CASP8: variants seen among roughly 807,000 people sequenced by gnomAD.
CASP8 encodes caspase-8.
In CASP8, 24 loss-of-function variants were observed where a neutral mutation model predicts 46.3. The observed-to-expected ratio is 0.52, with a 90% CI of 0.38 to 0.73. The LOEUF (loss-of-function observed/expected upper bound fraction) is 0.73. Among genes scored for constraint, CASP8 ranks in the 30% least tolerant of loss-of-function variants. The pLI, the probability that CASP8 is intolerant of heterozygous loss-of-function variation, is 0.00. For synonymous variants in CASP8, 188 were observed against 200.4 expected (o/e 0.94, Z 0.52); for missense variants, 460 against 559.0 (o/e 0.82, Z 1.79).
chr2:201,245,212 G>T lies in CASP8; in HGVS notation c.-27+11100G>T, dbSNP rs547996146. On this transcript the variant is annotated intron_variant, in intron 2 of 6. Transcript: ENST00000264274. ...AAGATCTGAAATTGTGTCACCGATT[G>T]ATTGACCTGACCTCACAAGGAGGTT... 2.6e-4 allele frequency among the ~76,000 whole-genome samples: 40 copies of T among 152,084 alleles called. 1 individual carries two copies. The highest frequency in any genetic ancestry group is 1.5e-3 in the South Asian group (7 of 4,824).
chr2:201,250,532 C>A (rs1210293871), intron 2 of CASP8, among the ~76,000 whole-genome samples: 4 of 152,106 alleles, frequency 2.6e-5, no homozygotes, highest in Admixed American at 2.6e-4. Context: ...AGCAAGAGAG[C>A]GGGGAGGTGC....
At chr2:201,234,450 T>G (rs537785005) in intron 2 of CASP8, among the ~76,000 whole-genome samples, 1 of 152,142 alleles carries the variant, frequency 6.6e-6, no homozygotes, top group East Asian at 1.9e-4. Context: ...AAAGTTATTC[T>G]TTTTTATTTT....
At chr2:201,277,637 G>A in intron 7 of CASP8, 1 of 383,266 alleles carries the variant, frequency 2.6e-6, no homozygotes, top group South Asian at 1.8e-5. Flanking sequence ...GCAAATGGAG[G>A]TAAGTTTAGA....
In CASP8 at chr2:201,269,372, T is replaced by C. The variant is rs934923996; in HGVS notation, c.306-2144T>C. 1.4e-5 allele frequency: 9 copies of C among 650,992 alleles called. No individual in the cohort carries two copies. The African/African-American group carries it at 1.6e-4, about 12-fold the overall frequency. The allele number at this position is 650,992 out of a possible 1,614,324, so 40.3% of individuals were successfully genotyped here. On this transcript the variant is annotated intron_variant, in intron 2 of 8. Coordinates refer to ENST00000673742, the MANE Select transcript of CASP8 (RefSeq NM_001372051.1). ...CTATTCAACCAGTACACTAGATAGCTTTGGTTTACTAGCATTGTGAAGTCT... is the reference window on the plus strand; with the variant it reads ...CTATTCAACCAGTACACTAGATAGCCTTGGTTTACTAGCATTGTGAAGTCT...
At chr2:201,255,488 C>G (rs1012335887) in intron 2 of CASP8, among the ~76,000 whole-genome samples, 1 of 152,142 alleles carries the variant, frequency 6.6e-6, no homozygotes, top group Non-Finnish European at 1.5e-5. Context: ...CTACCCTGCT[C>G]CCCCCATTCT....
chr2:201,238,759 T>TTTTA (rs201152745), intron 2 of CASP8, among the ~76,000 whole-genome samples: 46 of 152,038 alleles, frequency 3.0e-4, no homozygotes, highest in Admixed American at 1.0e-3. Flanking sequence ...TTACTTTTTA[T>TTTTA]TTTATTTATT....
At chr2:201,245,733 G>C (rs1172042208) in intron 2 of CASP8, among the ~76,000 whole-genome samples, 1 of 152,234 alleles carries the variant, frequency 6.6e-6, no homozygotes, top group African/African-American at 2.4e-5. Context: ...CTGCAGGCCA[G>C]GTCAGCTGTC....
At chr2:201,281,593 T>C (rs1304648242) in intron 7 of CASP8, among the ~76,000 whole-genome samples, 1 of 144,852 alleles carries the variant, frequency 6.9e-6, no homozygotes, top group Non-Finnish European at 1.5e-5. Context: ...TCTAGTTCTA[T>C]CTTATTAATT....
At chr2:201,277,754 G>T in intron 7 of CASP8, 1 of 422,066 alleles carries the variant, frequency 2.4e-6, no homozygotes, top group South Asian at 1.7e-5. Context: ...AGGCTGGAGT[G>T]CAGTGGTGTG....
intron 5 of CASP8, among the ~76,000 whole-genome samples, 182 bp downstream of exon 5, chr2:201,273,124 C>T (rs1948397147): frequency 6.8e-6 from 1 of 147,980 alleles, no homozygotes; most frequent in Non-Finnish European, 1.5e-5. Context: ...GTGGCACCAT[C>T]TCGGCTCACT....
chr2:201,267,868 C>T (rs1947934065), intron 2 of CASP8, among the ~76,000 whole-genome samples: 1 of 152,204 alleles, frequency 6.6e-6, no homozygotes, highest in African/African-American at 2.4e-5. Flanking sequence ...CCCATGAATG[C>T]TCTGGTCTTT....
intron 5 of CASP8, among the ~76,000 whole-genome samples, chr2:201,273,737 C>G (rs1948448332): frequency 6.6e-6 from 1 of 151,636 alleles, no homozygotes; most frequent in South Asian, 2.1e-4. Context: ...TGCAGTGATG[C>G]AATCTTGGCT....
chr2:201,285,170 C>T lies in CASP8; in HGVS notation c.1157C>T (p.Ser386Leu), dbSNP rs770193825. ...CAACCCTATTTAGAAATGGATTTATCATCACCTCAAACGAGATATATCCCG... is the reference window on the plus strand; with the variant it reads ...CAACCCTATTTAGAAATGGATTTATTATCACCTCAAACGAGATATATCCCG... Reference protein sequence around the residue: ...EEQPYLEMDLSSPQTRYIPDE... With the variant: ...EEQPYLEMDLLSPQTRYIPDE... Residue 386 changes from serine to leucine, a missense_variant, in exon 8 of 9, where the codon TCA becomes TTA. Transcript: ENST00000673742. 2 of 1,614,148 alleles carry T rather than the reference C, an allele frequency of 1.2e-6. No homozygotes were observed. The highest frequency in any genetic ancestry group is 8.5e-7 in the Non-Finnish European group (1 of 1,180,008).
upstream of CASP8, among the ~76,000 whole-genome samples, chr2:201,259,823 A>C (rs77493825): frequency 0.042 from 6,376 of 152,042 alleles, 303 homozygotes; most frequent in African/African-American, 0.11. Context: ...CTCATATACA[A>C]GGATCACCTT....
At chr2:201,253,665 A>G (rs533574561) in intron 2 of CASP8, among the ~76,000 whole-genome samples, 1 of 152,256 alleles carries the variant, frequency 6.6e-6, no homozygotes, top group African/African-American at 2.4e-5. Context: ...ACCACAATTA[A>G]TACATTTTAA....
At chr2:201,269,174 A>G (rs567326928) in intron 2 of CASP8, among the ~76,000 whole-genome samples, 7 of 152,156 alleles carry the variant, frequency 4.6e-5, no homozygotes, top group African/African-American at 1.4e-4. Flanking sequence ...TCCTGGGCTC[A>G]TGCAATCTGC....
chr2:201,242,333 C>G (rs1397534076), intron 2 of CASP8: 1 of 152,066 alleles, frequency 6.6e-6, no homozygotes, highest in Non-Finnish European at 1.5e-5. Context: ...TTTCACAGTT[C>G]TGGAGGCTAG....
Position 201,285,094 on chromosome 2 carries a change from C to T in CASP8, c.1081C>T (p.Gln361Ter), listed in dbSNP as rs2125484953. 6.2e-7 allele frequency: 1 copy of T among 1,614,128 alleles called. No homozygotes were observed. Among genetic ancestry groups the T allele is most frequent in the Non-Finnish European group, 8.5e-7 (1 of 1,180,016 alleles). The change falls in exon 8 of 9, where the codon CAG (glutamine) becomes TAG (stop). Residue 361 changes from glutamine to a stop codon, truncating the protein, a stop_gained. Coordinates refer to ENST00000673742, the MANE Select transcript of CASP8 (RefSeq NM_001372051.1). LOFTEE classifies it high-confidence loss of function. Reference sequence around the variant, plus strand: ...CAAAGTGTTTTTTATTCAGGCTTGTCAGGGGGATAACTACCAGAAAGGTAT... The same window carrying T: ...CAAAGTGTTTTTTATTCAGGCTTGTTAGGGGGATAACTACCAGAAAGGTAT... Reference protein sequence around the residue: ...KPKVFFIQACQGDNYQKGIPV... With the variant: ...KPKVFFIQAC
At position 201,266,153 on chromosome 2, in the gene CASP8, C is replaced by G. The variant is rs1947810897; in HGVS notation, c.-26-308C>G. Among the ~76,000 whole-genome samples the G allele has an allele frequency of 6.6e-6, 1 of 151,964 alleles. No homozygotes were observed. Among genetic ancestry groups the G allele is most frequent in the Non-Finnish European group, 1.5e-5 (1 of 67,950 alleles). On this transcript the variant is annotated intron_variant, in intron 1 of 8. Transcript: ENST00000673742. This position sits in a 1 kb window ranked among gnomAD's most constrained non-coding sequence, Gnocchi z 5.7. ...TGCCTCCACACCTGGCTAATTTTTGCACTTTTAGTAGAGACGGGGTTTCAC... is the reference window on the plus strand; with the variant it reads ...TGCCTCCACACCTGGCTAATTTTTGGACTTTTAGTAGAGACGGGGTTTCAC...
Sources: allele counts gnomAD v4.1 joint callset (sites outside exome capture counted in the v4.1 genomes callset), GRCh38; gene constraint gnomAD v4.1.1; non-coding constraint Gnocchi (gnomAD v3.1); transcripts MANE v1.5; gene names NCBI Gene and HGNC (gene_info 2026-07-23, HGNC 2026-07-21).